Variants in MAPRE3 observed in about 807,000 individuals in gnomAD.
MAPRE3 encodes microtubule-associated protein RP/EB family member 3.
MAPRE3 carries 2 observed loss-of-function variants against 30.5 expected under a neutral mutation model. The observed-to-expected ratio is 0.07, with a 90% CI of 0.03 to 0.21. The LOEUF (loss-of-function observed/expected upper bound fraction) is 0.21, where lower values mean the gene tolerates loss of function less well. MAPRE3 is among the 10% of genes least tolerant of loss of function. The probability of loss-of-function intolerance (pLI) is 1.00; values close to 1 mark genes in which losing one functional copy is unlikely to be tolerated. For synonymous variants in MAPRE3, 110 were observed against 127.7 expected (o/e 0.86, Z 0.93); for missense variants, 204 against 351.8 (o/e 0.58, Z 3.36).
chr2:27,004,945 A>G (rs1666692116), intron 1 of MAPRE3, among the ~76,000 whole-genome samples: 1 of 152,182 alleles, frequency 6.6e-6, no homozygotes, highest in African/African-American at 2.4e-5. Flanking sequence ...TGGGTAATAA[A>G]CATAGAAATA....
chr2:26,994,075 A>G (rs921783449), intron 1 of MAPRE3, among the ~76,000 whole-genome samples: 9 of 152,206 alleles, frequency 5.9e-5, no homozygotes, highest in Non-Finnish European at 1.0e-4. Flanking sequence ...TGAAAGAAAC[A>G]TGATAATAAT....
intron 1 of MAPRE3, among the ~76,000 whole-genome samples, chr2:26,998,999 A>G (rs934079995): frequency 1.3e-5 from 2 of 152,190 alleles, no homozygotes; most frequent in African/African-American, 4.8e-5. Context: ...ATGGTGGGAC[A>G]TGAGCTTGGC....
chr2:27,004,404 C>T (rs1666675445), intron 1 of MAPRE3, among the ~76,000 whole-genome samples: 1 of 152,092 alleles, frequency 6.6e-6, no homozygotes, highest in Non-Finnish European at 1.5e-5. Flanking sequence ...ACTTCTTAGC[C>T]CCTTCCTCCT....
At chr2:27,023,053 T>C (rs1052782943) in intron 2 of MAPRE3, among the ~76,000 whole-genome samples, 4 of 152,228 alleles carry the variant, frequency 2.6e-5, no homozygotes, top group African/African-American at 4.8e-5. Context: ...ATCCATAAGA[T>C]GGAGATAGTA....
chr2:27,004,987 T>A (rs1340751180), intron 1 of MAPRE3, among the ~76,000 whole-genome samples: 1 of 152,160 alleles, frequency 6.6e-6, no homozygotes, highest in Non-Finnish European at 1.5e-5. Flanking sequence ...AAAGAAACAT[T>A]ATTTTAAAGA....
In MAPRE3 at chr2:27,025,892, A is replaced by C. The variant is rs1667230274; in HGVS notation, c.637A>C (p.Lys213Gln). 1 of 1,614,196 alleles carries C rather than the reference A, an allele frequency of 6.2e-7. No homozygotes were observed. Among genetic ancestry groups the C allele is most frequent in the Non-Finnish European group, 8.5e-7 (1 of 1,180,042 alleles). The change falls in exon 6 of 7, where the codon AAG becomes CAG. Residue 213 changes from lysine to glutamine, a missense_variant. Lys to Gln is a moderately conservative substitution (Grantham distance 53). Transcript: ENST00000233121. ...TGTCCCCAAGCAGCTGGTGGACTTG[A>C]AGCTGACAGTGGATGGGCTGGAGAA... The part of the protein sequence containing the change: ...LELNQQLVDL[K>Q]LTVDGLEKER...
chr2:27,015,422 A>G lies in MAPRE3; in HGVS notation c.-7-6790A>G, dbSNP rs1316247884. Among the ~76,000 whole-genome samples the G allele has an allele frequency of 2.0e-5, 3 of 152,138 alleles. No individual in the cohort carries two copies. The highest frequency in any genetic ancestry group is 2.0e-4 in the Admixed American group (3 of 15,278). ...TACAACTAGGATTTGAACCCACCTG[A>G]TGTGCCTGGAGATCTAGTGTTCTTA... On this transcript the variant is annotated intron_variant, in intron 1 of 6. Transcript: ENST00000233121. This position sits in a 1 kb window ranked among gnomAD's most constrained non-coding sequence, Gnocchi z 4.0.
rs7566832 is a variant in MAPRE3, at chr2:26,983,277, C to T, written c.-8+12475C>T. Among the ~76,000 whole-genome samples the T allele has an allele frequency of 2.6e-3, 399 of 152,304 alleles. 2 individuals are homozygous for T. The highest frequency in any genetic ancestry group is 9.2e-3 in the African/African-American group (381 of 41,564). On this transcript the variant is annotated intron_variant, in intron 1 of 6. Coordinates refer to ENST00000233121, the MANE Select transcript of MAPRE3 (RefSeq NM_012326.4). ...TATGGATGACTAGATCTTCCAGGAGCCCACTGGGTTCCAAGCTTAGGCTCC... is the reference window on the plus strand; with the variant it reads ...TATGGATGACTAGATCTTCCAGGAGTCCACTGGGTTCCAAGCTTAGGCTCC...
intron 1 of MAPRE3, among the ~76,000 whole-genome samples, chr2:27,018,440 A>G (rs901596734): frequency 1.3e-5 from 2 of 151,818 alleles, no homozygotes; most frequent in Non-Finnish European, 2.9e-5. Context: ...ATTCACATCC[A>G]TCTCTCTACC....
intron 1 of MAPRE3, among the ~76,000 whole-genome samples, chr2:26,998,605 C>T (rs1181585933): frequency 6.6e-6 from 1 of 152,152 alleles, no homozygotes; most frequent in Admixed American, 6.5e-5. Flanking sequence ...CCATGCCATA[C>T]AATAGGGCTG....
At position 27,008,040 on chromosome 2, in the gene MAPRE3, A is replaced by G. The variant is rs149202339; in HGVS notation, c.-7-14172A>G. Among the ~76,000 whole-genome samples the G allele has an allele frequency of 2.1e-3, 315 of 152,190 alleles. 3 individuals are homozygous for G. Among genetic ancestry groups the G allele is most frequent in the African/African-American group, 7.2e-3 (298 of 41,494 alleles). On this transcript the variant is annotated intron_variant, in intron 1 of 6. Coordinates refer to ENST00000233121, the MANE Select transcript of MAPRE3 (RefSeq NM_012326.4). ...CAGTCCTTCTTTAGCTCTGGTTTAG[A>G]GGGTATTGTGCAAGTTTGGGTAGAA...
intron 1 of MAPRE3, among the ~76,000 whole-genome samples, chr2:27,021,910 T>G (rs1211505880): frequency 6.6e-6 from 1 of 152,214 alleles, no homozygotes; most frequent in Non-Finnish European, 1.5e-5. Context: ...CCCTGAACAT[T>G]TATGTGCCTG....
At chr2:27,026,253 C>T (rs1558389743) in intron 6 of MAPRE3, 27 bp from the exon 7 acceptor site, 1 of 1,601,196 alleles carries the variant, frequency 6.2e-7, no homozygotes, top group East Asian at 2.2e-5. Context: ...CCTGGCCCAC[C>T]ACTTTCCTCT....
rs746069878 is a variant in MAPRE3, at chr2:27,024,308, C to T, written c.469+11C>T. 5.0e-6 allele frequency: 8 copies of T among 1,610,440 alleles called. No individual in the cohort carries two copies. The highest frequency in any genetic ancestry group is 2.7e-5 in the African/African-American group (2 of 74,840). On this transcript the variant is annotated intron_variant, in intron 4 of 6. Coordinates refer to ENST00000233121, the MANE Select transcript of MAPRE3 (RefSeq NM_012326.4). The stretch of plus-strand genomic sequence containing the variant: ...TCATTGGCACAGCAGGTAACGTGCC[C>T]GAGCCGGGGGAGGGAGCGTGGGGGG...
chr2:26,994,828 T>C (rs954537102), intron 1 of MAPRE3, among the ~76,000 whole-genome samples: 446 of 149,662 alleles, frequency 3.0e-3, no homozygotes, highest in Middle Eastern at 0.01. Flanking sequence ...CTTCTTCTTT[T>C]TTTTTTTTTT....
At chr2:26,984,115 A>G (rs1279157174) in intron 1 of MAPRE3, among the ~76,000 whole-genome samples, 1 of 152,180 alleles carries the variant, frequency 6.6e-6, no homozygotes, top group Non-Finnish European at 1.5e-5. Flanking sequence ...ATTTAAATAT[A>G]TTTATATATT....
chr2:27,023,286 A>G (rs1342337757), intron 2 of MAPRE3, 46 bp from the exon 3 acceptor site: 1 of 1,562,998 alleles, frequency 6.4e-7, no homozygotes, highest in Admixed American at 1.7e-5. Flanking sequence ...AGCAGCTCAC[A>G]GAAGGAGAGC....
chr2:27,001,512 A>G (rs1472706658), intron 1 of MAPRE3, among the ~76,000 whole-genome samples: 1 of 152,028 alleles, frequency 6.6e-6, no homozygotes, highest in Non-Finnish European at 1.5e-5. Flanking sequence ...CATCATTCAT[A>G]GATAGATAGA....
At chr2:26,987,261 G>A (rs958303705) in intron 1 of MAPRE3, among the ~76,000 whole-genome samples, 1 of 152,200 alleles carries the variant, frequency 6.6e-6, no homozygotes, top group African/African-American at 2.4e-5. Flanking sequence ...GACATGCTGA[G>A]TTCAAAGAGG....
Sources: allele counts gnomAD v4.1 joint callset (sites outside exome capture counted in the v4.1 genomes callset), GRCh38; gene constraint gnomAD v4.1.1; non-coding constraint Gnocchi (gnomAD v3.1); transcripts MANE v1.5; gene names NCBI Gene and HGNC (gene_info 2026-07-23, HGNC 2026-07-21).